The following TMBIM4 variants were observed in gnomAD, a reference collection of about 807,000 sequenced individuals.
TMBIM4 encodes the protein transmembrane BAX inhibitor motif containing 4.
TMBIM4 carries 28 observed loss-of-function variants against 27.7 expected under a neutral mutation model. The ratio of observed to expected loss-of-function variants is 1.01; its 90% confidence interval spans 0.75 to 1.38. The LOEUF is 1.38. Among genes scored for constraint, TMBIM4 ranks in the 40% most tolerant of loss-of-function variants. The pLI is 0.00. For synonymous variants in TMBIM4, 115 were observed against 113.1 expected (o/e 1.02, Z -0.11); for missense variants, 265 against 277.5 (o/e 0.95, Z 0.32).
intron 1 of TMBIM4, chr12:66,168,996 T>C: frequency 4.1e-6 from 1 of 242,890 alleles, no homozygotes; most frequent in Non-Finnish European, 7.8e-6. Flanking sequence ...ATTCCAAAAA[T>C]ATAAATGCTA....
chr12:66,152,994 G>A (rs1247869901), intron 2 of TMBIM4, among the ~76,000 whole-genome samples: 1 of 151,830 alleles, frequency 6.6e-6, no homozygotes. Context: ...TAAAATGAAC[G>A]CACATTTATT....
At chr12:66,150,117 C>T (rs1254574052) in intron 3 of TMBIM4, among the ~76,000 whole-genome samples, 1 of 152,208 alleles carries the variant, frequency 6.6e-6, no homozygotes, top group Non-Finnish European at 1.5e-5. Flanking sequence ...CTAGTGGGAC[C>T]TCTCCCTGCT....
rs2052210511 is a variant in TMBIM4 at position 66,169,974 on chromosome 12, G to A, written c.-23C>T. ...CATGATGGCAACAGCACCCCTACCG[G>A]TCCCGGTCCACTAACCGCAACCGCC... On this transcript the variant is annotated 5_prime_UTR_variant, in exon 1 of 7. Transcript: ENST00000358230. 3 of 1,462,180 alleles carry A rather than the reference G, an allele frequency of 2.1e-6. No individual in the cohort carries two copies. The highest frequency in any genetic ancestry group is 2.7e-6 in the Non-Finnish European group (3 of 1,104,240). 90.6% of individuals were successfully genotyped at this position (1,462,180 alleles called of 1,614,324 possible). A position where few individuals can be genotyped will look rare whatever the true frequency, so the allele number is the denominator to read the frequency against.
chr12:66,138,902 T>C, intron 5 of TMBIM4, 133 bp from the exon 6 acceptor site: 1 of 1,264,724 alleles, frequency 7.9e-7, no homozygotes, highest in Non-Finnish European at 1.0e-6. Context: ...TAAGAATTTG[T>C]AAACATACAA....
At chr12:66,147,875 A>T (rs1396080402) in intron 4 of TMBIM4, 33 bp downstream of exon 4, 43 of 1,589,174 alleles carry the variant, frequency 2.7e-5, no homozygotes, top group Non-Finnish European at 3.7e-5. Context: ...TTAAAAAGTT[A>T]TTATAACATA....
chr12:66,155,333 T>TGAGAGAGAGAGAGAGAGAGAGAGAGA (rs1395788670), intron 1 of TMBIM4, among the ~76,000 whole-genome samples: 21 of 72,594 alleles, frequency 2.9e-4, no homozygotes, highest in Non-Finnish European at 5.5e-4. Flanking sequence ...TGTGCACACG[T>TGAGAGAGAGAGAGAGAGAGAGAGAGA]GTGAGAGAGA....
chr12:66,144,523 A>AG (rs1317234997), intron 5 of TMBIM4, among the ~76,000 whole-genome samples: 1 of 152,126 alleles, frequency 6.6e-6, no homozygotes, highest in African/African-American at 2.4e-5. Flanking sequence ...TGTCACCACA[A>AG]GCTATCCCTT....
chr12:66,148,347 G>C (rs1028846320), intron 3 of TMBIM4, among the ~76,000 whole-genome samples: 16 of 152,270 alleles, frequency 1.1e-4, no homozygotes, highest in African/African-American at 3.1e-4. Context: ...TGGGAGTCTT[G>C]AAAGTGTTTC....
chr12:66,145,991 T>C (rs2051746138), intron 4 of TMBIM4, 33 bp from the exon 5 acceptor site: 1 of 1,169,330 alleles, frequency 8.6e-7, no homozygotes, highest in Non-Finnish European at 1.3e-6. Flanking sequence ...AACATGCATA[T>C]AAACATGCTC....
intron 1 of TMBIM4, among the ~76,000 whole-genome samples, chr12:66,159,160 T>C (rs972391721): frequency 6.6e-6 from 1 of 152,232 alleles, no homozygotes; most frequent in South Asian, 2.1e-4. Context: ...CCCTTGAGTA[T>C]GGACTGGACT....
chr12:66,151,451 CT>C (rs1427417644), intron 3 of TMBIM4, among the ~76,000 whole-genome samples: 1 of 151,332 alleles, frequency 6.6e-6, no homozygotes, highest in African/African-American at 2.5e-5. Context: ...GTTGCCCAGG[CT>C]GGTCTCAGAC....
In TMBIM4 at chr12:66,153,450, T is replaced by TTTGTAG; in HGVS notation, c.98-3_98-2insCTACAA. ...TGCTGTAGACTTTTCTCAGAAAGGC[T>TTTGTAG]AAAAGAGAAAAAAAATTACATTACT... On this transcript the variant is annotated splice_region_variant and splice_polypyrimidine_tract_variant and intron_variant, in intron 1 of 6. Coordinates refer to ENST00000358230, the MANE Select transcript of TMBIM4 (RefSeq NM_016056.4). The TTTGTAG allele has an allele frequency of 6.6e-7, 1 of 1,516,658 alleles. No individual in the cohort carries two copies. 94.0% of individuals were successfully genotyped at this position (1,516,658 alleles called of 1,614,324 possible).
At chr12:66,151,246 T>C (rs2051840584) in intron 3 of TMBIM4, among the ~76,000 whole-genome samples, 1 of 152,190 alleles carries the variant, frequency 6.6e-6, no homozygotes, top group South Asian at 2.1e-4. Context: ...CTTTTTTTGT[T>C]TGTCTGAGAT....
chr12:66,148,043 A>C, intron 3 of TMBIM4, 102 bp from the exon 4 acceptor site: 88 of 1,083,612 alleles, frequency 8.1e-5, no homozygotes, highest in Non-Finnish European at 1.1e-4. Context: ...GAATGATCTC[A>C]TTTTAGCTTC....
intron 5 of TMBIM4, among the ~76,000 whole-genome samples, chr12:66,141,098 A>T (rs1248579235): frequency 6.6e-6 from 1 of 152,180 alleles, no homozygotes; most frequent in Non-Finnish European, 1.5e-5. Flanking sequence ...ACCAACAGAC[A>T]ATAAGAAATG....
At chr12:66,158,202 G>T (rs1422767213) in intron 1 of TMBIM4, among the ~76,000 whole-genome samples, 1 of 145,480 alleles carries the variant, frequency 6.9e-6, no homozygotes, top group East Asian at 2.0e-4. Flanking sequence ...CTCCAGCCTG[G>T]GCGACAGAGT....
chr12:66,145,864 C>T lies in TMBIM4; in HGVS notation c.441G>A (p.Lys147=), dbSNP rs758469168. The T allele has an allele frequency of 5.6e-6, 9 of 1,599,412 alleles. No individual in the cohort carries two copies. The highest frequency in any genetic ancestry group is 7.7e-6 in the Non-Finnish European group (9 of 1,170,624). The part of the protein sequence containing the change: ...GLTVYTLQSK[K]DFSKFGAGLF... ...ACCCTGCTCCAAATTTGCTGAAATC[C>T]TTCTTAGATTGTAGAGTATACACAG... Residue 147 remains lysine (K), a synonymous_variant, in exon 5 of 7, where the codon AAG becomes AAA. Transcript: ENST00000358230.
intron 1 of TMBIM4, among the ~76,000 whole-genome samples, chr12:66,155,360 G>GAGAGAGA (rs59460611): frequency 2.0e-5 from 3 of 150,032 alleles, no homozygotes; most frequent in Non-Finnish European, 4.4e-5. Context: ...GAGAGAGAGA[G>GAGAGAGA]GCAGGGTCTC....
At chr12:66,139,291 G>A (rs917013101) in intron 5 of TMBIM4, among the ~76,000 whole-genome samples, 2 of 152,180 alleles carry the variant, frequency 1.3e-5, no homozygotes, top group South Asian at 2.1e-4. Context: ...TATATATAGA[G>A]AGTATAAATT....
Sources: gnomAD v4.1 joint callset for allele counts (sites outside exome capture counted in the v4.1 genomes callset) on GRCh38, gnomAD v4.1.1 for gene constraint, MANE v1.5 for transcripts, NCBI Gene and HGNC (gene_info 2026-07-23, HGNC 2026-07-21) for gene names.